ZNF675: variants seen among roughly 807,000 people sequenced by gnomAD.
ZNF675 encodes TRAF6 inhibitory zinc finger.
In ZNF675, 36 loss-of-function variants were observed where a neutral mutation model predicts 56.1. That is an observed-to-expected ratio of 0.64 (90% CI 0.49 to 0.85). ZNF675 has a LOEUF of 0.85. ZNF675 is among the 40% of genes least tolerant of loss of function. The pLI is 0.00. For missense variants in ZNF675, 663 were observed against 654.2 expected (o/e 1.01, Z -0.15); for synonymous variants, 200 against 218.9 (o/e 0.91, Z 0.76).
In ZNF675 at chr19:23,659,836, G is replaced by C. The variant is rs114769310; in HGVS notation, c.226+2278C>G. ...TACCCATTTACAGCCATGTGGACTGGCCTAAGGTAAAGGACCTTAGTCTTT... is the reference window on the plus strand; with the variant it reads ...TACCCATTTACAGCCATGTGGACTGCCCTAAGGTAAAGGACCTTAGTCTTT... On this transcript the variant is annotated intron_variant, in intron 3 of 3. Coordinates refer to ENST00000359788, the MANE Select transcript of ZNF675 (RefSeq NM_138330.3). Among the ~76,000 whole-genome samples the C allele has an allele frequency of 3.4e-3, 511 of 151,576 alleles. 1 individual carries two copies. Among genetic ancestry groups the C allele is most frequent in the African/African-American group, 0.011 (467 of 41,282 alleles).
intron 1 of ZNF675, among the ~76,000 whole-genome samples, chr19:23,683,525 G>C (rs959297151): frequency 6.6e-6 from 1 of 152,062 alleles, no homozygotes. Flanking sequence ...GGGTTCAAGC[G>C]ATTCTCCTGC....
intron 1 of ZNF675, among the ~76,000 whole-genome samples, chr19:23,668,900 G>A (rs549680715): frequency 1.3e-5 from 2 of 152,262 alleles, no homozygotes; most frequent in African/African-American, 2.4e-5. Context: ...GTTCCCGCTC[G>A]CGCCTCTCCC....
At position 23,654,038 on chromosome 19, in the gene ZNF675, G is replaced by C; in HGVS notation, c.895C>G (p.Leu299Val). ...CGKAFNQFSN[L>V]TTHKKIHTGE... ...GTATGAATTTTTTTATGTGTAGTAA[G>C]ATTTGAGAACTGGTTAAAGGCTTTG... The change falls in exon 4 of 4, where the codon CTT becomes GTT. Residue 299 changes from leucine (L) to valine (V), a missense_variant. Around this residue, in one of 3 missense-constraint regions of ZNF675, gnomAD observed 617 missense variants for 590.5 expected, o/e 1.04. Coordinates refer to ENST00000359788, the MANE Select transcript of ZNF675 (RefSeq NM_138330.3). 1 of 1,613,690 alleles carries C rather than the reference G, an allele frequency of 6.2e-7. No homozygotes were observed. Among genetic ancestry groups the C allele is most frequent in the Non-Finnish European group, 8.5e-7 (1 of 1,179,980 alleles).
Position 23,687,038 on chromosome 19 carries a change from A to C in ZNF675, c.-5T>G, listed in dbSNP as rs777391019. ...CGCACCCGTAACTCTCACCATTTCT[A>C]GGCTTCCAGGGGGTCCTGGAGTCTT... On this transcript the variant is annotated 5_prime_UTR_variant, in exon 1 of 4. Coordinates refer to ENST00000359788, the MANE Select transcript of ZNF675 (RefSeq NM_138330.3). 6.2e-7 allele frequency: 1 copy of C among 1,613,534 alleles called. No individual in the cohort carries two copies. The highest frequency in any genetic ancestry group is 1.1e-5 in the South Asian group (1 of 91,062).
chr19:23,672,233 TAAA>T (rs55633960), intron 1 of ZNF675, among the ~76,000 whole-genome samples: 136,595 of 141,196 alleles, frequency 0.97, 66,351 homozygotes, highest in Middle Eastern at 1. Context: ...CTCTTGGGTT[TAAA>T]AAAAAAAAAA....
chr19:23,654,302 G>C lies in ZNF675; in HGVS notation c.631C>G (p.Gln211Glu), dbSNP rs1226526551. Residue 211 changes from glutamine (Q) to glutamate (E), a missense_variant, in exon 4 of 4, where the codon CAA (glutamine) becomes GAA (glutamate). Around this residue, in one of 3 missense-constraint regions of ZNF675, gnomAD observed 617 missense variants for 590.5 expected, o/e 1.04. Coordinates refer to ENST00000359788, the MANE Select transcript of ZNF675 (RefSeq NM_138330.3). ...KCEECEKAVN[Q>E]SSKLTKHKRI... ...TTATGTTTAGTAAGCTTTGAAGATT[G>C]GTTAACAGCTTTTTCACATTCTTCA... The C allele has an allele frequency of 6.2e-7, 1 of 1,610,798 alleles. No individual in the cohort carries two copies. Among genetic ancestry groups the C allele is most frequent in the Non-Finnish European group, 8.5e-7 (1 of 1,179,044 alleles).
At chr19:23,668,347 C>T (rs879630772) in intron 1 of ZNF675, among the ~76,000 whole-genome samples, 94 of 151,884 alleles carry the variant, frequency 6.2e-4, no homozygotes, top group Admixed American at 1.5e-3. Flanking sequence ...TACAGAGTGT[C>T]GATTGGTGCA....
At chr19:23,675,078 G>A (rs1015434976) in intron 1 of ZNF675, among the ~76,000 whole-genome samples, 3 of 151,630 alleles carry the variant, frequency 2.0e-5, no homozygotes, top group Admixed American at 2.0e-4. Context: ...CTTAATTTTA[G>A]TAGACACTGG....
At chr19:23,678,261 CTTT>C (rs71165873) in intron 1 of ZNF675, among the ~76,000 whole-genome samples, 2 of 139,570 alleles carry the variant, frequency 1.4e-5, no homozygotes, top group African/African-American at 5.4e-5. Flanking sequence ...CAAAAATATT[CTTT>C]TTTTTTTTTT....
intron 1 of ZNF675, among the ~76,000 whole-genome samples, chr19:23,681,119 G>A (rs1968370775): frequency 6.6e-6 from 1 of 151,814 alleles, no homozygotes; most frequent in African/African-American, 2.4e-5. Flanking sequence ...TGCCCATGAA[G>A]GCAGAAGAGA....
chr19:23,679,161 C>A, intron 1 of ZNF675, among the ~76,000 whole-genome samples: 1 of 64,964 alleles, frequency 1.5e-5, no homozygotes, highest in Admixed American at 2.2e-4. Flanking sequence ...AGCGAGACTC[C>A]GTCTCAAAAA....
At chr19:23,660,357 T>A (rs574367512) in intron 3 of ZNF675, among the ~76,000 whole-genome samples, 1 of 152,314 alleles carries the variant, frequency 6.6e-6, no homozygotes, top group South Asian at 2.1e-4. Flanking sequence ...GCTGCTAGTT[T>A]AACATAACAC....
At chr19:23,668,150 G>T (rs1044822295) in intron 1 of ZNF675, among the ~76,000 whole-genome samples, 1 of 151,822 alleles carries the variant, frequency 6.6e-6, no homozygotes, top group African/African-American at 2.4e-5. Flanking sequence ...TAGACACAGG[G>T]TGCTGATTGG....
At chr19:23,667,242 C>G (rs1192084589) in intron 1 of ZNF675, among the ~76,000 whole-genome samples, 1 of 152,068 alleles carries the variant, frequency 6.6e-6, no homozygotes, top group Non-Finnish European at 1.5e-5. Flanking sequence ...AGGAGTGAAG[C>G]TGCAGATCTT....
chr19:23,675,304 C>G (rs1968281594), intron 1 of ZNF675, among the ~76,000 whole-genome samples: 1 of 151,666 alleles, frequency 6.6e-6, no homozygotes, highest in Non-Finnish European at 1.5e-5. Context: ...ATCACTGAGG[C>G]AGAAAAATTA....
chr19:23,686,361 T>C (rs1353037735), intron 1 of ZNF675: 1 of 152,162 alleles, frequency 6.6e-6, no homozygotes, highest in Non-Finnish European at 1.5e-5. Context: ...AGTTTCGGTC[T>C]TGTTAACCAG....
chr19:23,669,408 C>T (rs1272976607), intron 1 of ZNF675, among the ~76,000 whole-genome samples: 1 of 152,024 alleles, frequency 6.6e-6, no homozygotes, highest in Non-Finnish European at 1.5e-5. Context: ...ACAGAAAACC[C>T]ACCTAGCTAT....
At chr19:23,671,468 A>C (rs1968225711) in intron 1 of ZNF675, among the ~76,000 whole-genome samples, 1 of 152,142 alleles carries the variant, frequency 6.6e-6, no homozygotes, top group Non-Finnish European at 1.5e-5. Context: ...AAATGCAAGA[A>C]AAGTGGGCAT....
chr19:23,674,831 G>GT (rs1568294575), intron 1 of ZNF675, among the ~76,000 whole-genome samples: 2 of 151,142 alleles, frequency 1.3e-5, no homozygotes. Context: ...TATTAGCTGG[G>GT]CATGGTGGCA....
Sources: gnomAD v4.1 joint callset for allele counts (sites outside exome capture counted in the v4.1 genomes callset) on GRCh38, gnomAD v4.1.1 for gene constraint, gnomAD v4.1.1 regional missense constraint, MANE v1.5 for transcripts, NCBI Gene and HGNC (gene_info 2026-07-23, HGNC 2026-07-21) for gene names.